Variants in KANSL2 observed in about 807,000 individuals in gnomAD.
KANSL2 encodes NSL complex protein NSL2.
KANSL2 carries 34 observed loss-of-function variants against 55.6 expected under a neutral mutation model. That is an observed-to-expected ratio of 0.61 (90% CI 0.46 to 0.81). KANSL2 has a LOEUF of 0.81. Ranked by LOEUF, KANSL2 falls within the 40% of genes least tolerant of loss-of-function variation. KANSL2 has a pLI of 0.00. For synonymous variants in KANSL2, 209 were observed against 214.3 expected, an observed-to-expected ratio of 0.98 and a Z score of 0.22; for missense variants, 502 against 609.9, an observed-to-expected ratio of 0.82 and a Z score of 1.86.
At chr12:48,670,918 T>C (rs528936465) in intron 5 of KANSL2, among the ~76,000 whole-genome samples, 3 of 151,900 alleles carry the variant, frequency 2.0e-5, no homozygotes, top group African/African-American at 7.3e-5. Context: ...GAGTGAGGAC[T>C]ACGCTACTGC....
At chr12:48,673,354 G>A (rs1483591553) in intron 4 of KANSL2, among the ~76,000 whole-genome samples, 2 of 152,024 alleles carry the variant, frequency 1.3e-5, no homozygotes, top group African/African-American at 4.8e-5. Context: ...GAGGTCAGGT[G>A]TTCAAGACCA....
At chr12:48,681,761 G>GT (rs1205732639) in intron 1 of KANSL2, 120 bp from the exon 2 acceptor site, 1 of 1,266,796 alleles carries the variant, frequency 7.9e-7, no homozygotes, top group Non-Finnish European at 1.1e-6. Flanking sequence ...GGTACGCTCC[G>GT]TAAGTCCCCG....
intron 5 of KANSL2, 110 bp downstream of exon 5, chr12:48,671,688 CA>C (rs1939717334): frequency 8.3e-7 from 1 of 1,201,448 alleles, no homozygotes; most frequent in African/African-American, 1.5e-5. Context: ...GTTTGAATGA[CA>C]AAAATCACCT....
intron 6 of KANSL2, among the ~76,000 whole-genome samples, chr12:48,668,664 A>C (rs1420301118): frequency 6.6e-6 from 1 of 152,116 alleles, no homozygotes; most frequent in Non-Finnish European, 1.5e-5. Context: ...GCGCCATTGC[A>C]CTCCAGCCTG....
At chr12:48,679,176 A>G (rs199955655) in intron 3 of KANSL2, 26 bp from the exon 4 acceptor site, 183 of 1,483,548 alleles carry the variant, frequency 1.2e-4, no homozygotes, top group Non-Finnish European at 1.7e-4. Flanking sequence ...GAGAGCAGCC[A>G]TTAAGACTTC....
chr12:48,680,834 C>T (rs1156485311), intron 2 of KANSL2, among the ~76,000 whole-genome samples: 11 of 151,764 alleles, frequency 7.2e-5, no homozygotes, highest in East Asian at 3.9e-4. Flanking sequence ...AAAAATTAGC[C>T]GGGCATAGTG....
Position 48,653,921 on chromosome 12 carries a change from T to C in KANSL2, c.*123A>G, listed in dbSNP as rs1939328429. ...AATTTGGCTTTACGTTTGACTATAA[T>C]ACTCAATCCAGAAGAAAAACAAGGT... On this transcript the variant is annotated 3_prime_UTR_variant, in exon 10 of 10. Transcript: ENST00000420613. The C allele has an allele frequency of 2.8e-6, 3 of 1,076,756 alleles. No individual in the cohort carries two copies. The highest frequency in any genetic ancestry group is 1.8e-5 in the South Asian group (1 of 55,124). 66.7% of individuals were successfully genotyped at this position (1,076,756 alleles called of 1,614,324 possible). A position where few individuals can be genotyped will look rare whatever the true frequency, so the allele number is the denominator to read the frequency against.
At position 48,653,678 on chromosome 12, in the gene KANSL2, A is replaced by G. The variant is rs111859868; in HGVS notation, c.*366T>C. ...GCAGGTCTTCAGATAGAGATAACCGATATTAGGGCCATCAGTATCTCAAAG... is the reference window on the plus strand; with the variant it reads ...GCAGGTCTTCAGATAGAGATAACCGGTATTAGGGCCATCAGTATCTCAAAG... On this transcript the variant is annotated 3_prime_UTR_variant, in exon 10 of 10. Transcript: ENST00000420613. 505 of 167,836 alleles carry G rather than the reference A, an allele frequency of 3.0e-3. 4 individuals carry two copies. The highest frequency in any genetic ancestry group is 0.012 in the African/African-American group (484 of 42,064). The allele number at this position is 167,836 out of a possible 1,614,324, so 10.4% of individuals were successfully genotyped here.
Position 48,679,652 on chromosome 12 carries a change from T to C in KANSL2, c.430+3A>G. ...TTTTCATTCCAGGAGAGAAGGTCCT[T>C]ACCTAGTATTCGGCTGGCTTCACTG... On this transcript the variant is annotated splice_donor_region_variant and intron_variant, in intron 3 of 9. Coordinates refer to ENST00000420613, the MANE Select transcript of KANSL2 (RefSeq NM_017822.4). 3 of 1,613,138 alleles carry C rather than the reference T, an allele frequency of 1.9e-6. No homozygotes were observed. Among genetic ancestry groups the C allele is most frequent in the Non-Finnish European group, 2.5e-6 (3 of 1,179,452 alleles).
intron 7 of KANSL2, among the ~76,000 whole-genome samples, chr12:48,662,841 T>C (rs1818283307): frequency 1.3e-5 from 2 of 152,214 alleles, no homozygotes; most frequent in Non-Finnish European, 2.9e-5. Context: ...TTAGTATCTG[T>C]AAACTGAGTT....
At chr12:48,672,147 G>A (rs890217532) in intron 4 of KANSL2, among the ~76,000 whole-genome samples, 185 bp from the exon 5 acceptor site, 4 of 151,908 alleles carry the variant, frequency 2.6e-5, no homozygotes, top group African/African-American at 9.7e-5. Context: ...AAATCTCCAA[G>A]AAAGAATACT....
At chr12:48,654,703 T>C (rs1939344020) in intron 9 of KANSL2, among the ~76,000 whole-genome samples, 1 of 152,228 alleles carries the variant, frequency 6.6e-6, no homozygotes, top group South Asian at 2.1e-4. Flanking sequence ...CACGGGCCAT[T>C]AGGTGTTCTA....
rs540300403 is a variant in KANSL2, at chr12:48,653,951, T to C, written c.*93A>G. 368 of 1,315,902 alleles carry C rather than the reference T, an allele frequency of 2.8e-4. 6 individuals carry two copies. In the South Asian group the frequency reaches 5.5e-3, roughly 20 times the overall value. The allele number at this position is 1,315,902 out of a possible 1,614,324, so 81.5% of individuals were successfully genotyped here. On this transcript the variant is annotated 3_prime_UTR_variant, in exon 10 of 10. Transcript: ENST00000420613. ...AATCCAGAAGAAAAACAAGGTAGTCTGGGTTGCCTGTGTTTTGTGAGAGAT... is the reference window on the plus strand; with the variant it reads ...AATCCAGAAGAAAAACAAGGTAGTCCGGGTTGCCTGTGTTTTGTGAGAGAT...
chr12:48,660,735 A>G (rs749617567), intron 7 of KANSL2, 116 bp from the exon 8 acceptor site: 1 of 1,029,522 alleles, frequency 9.7e-7, no homozygotes, highest in Non-Finnish European at 1.4e-6. Context: ...AATTACAACT[A>G]CATTTGATAC....
At chr12:48,678,117 T>C (rs949920710) in intron 4 of KANSL2, among the ~76,000 whole-genome samples, 9 of 152,202 alleles carry the variant, frequency 5.9e-5, no homozygotes, top group African/African-American at 1.4e-4. Context: ...GAAAATGCTA[T>C]TGCAAGAACA....
intron 4 of KANSL2, among the ~76,000 whole-genome samples, chr12:48,676,994 AC>A (rs1243077794): frequency 2.0e-5 from 3 of 152,226 alleles, no homozygotes; most frequent in African/African-American, 7.2e-5. Context: ...CAGTGGACAT[AC>A]TACTAAATTA....
chr12:48,663,957 G>A (rs1190713272), intron 7 of KANSL2, among the ~76,000 whole-genome samples: 17 of 122,270 alleles, frequency 1.4e-4, no homozygotes, highest in African/African-American at 5.3e-4. Context: ...TCACTCTGTC[G>A]CCCAGGCTGG....
chr12:48,660,448 T>C lies in KANSL2; in HGVS notation c.1145A>G (p.Asp382Gly). ...CAGATCCATGGGGCCGGCTTCCAGA[T>C]CGTCTGGCACAGACAGTACCTGCTC... is the stretch of plus-strand genomic sequence containing the variant. ...KPEQVLSVPD[D>G]LEAGPMDLYL... Residue 382 changes from aspartate (D) to glycine (G), a missense_variant, in exon 8 of 10, where the codon GAT becomes GGT. Transcript: ENST00000420613. 6.2e-7 allele frequency: 1 copy of C among 1,613,928 alleles called. No individual in the cohort carries two copies.
chr12:48,663,251 A>T (rs1404382276), intron 7 of KANSL2, among the ~76,000 whole-genome samples: 3 of 152,224 alleles, frequency 2.0e-5, no homozygotes, highest in Non-Finnish European at 4.4e-5. Flanking sequence ...ATGAGGAAAT[A>T]TGAATTACTG....
Sources: allele counts gnomAD v4.1 joint callset (sites outside exome capture counted in the v4.1 genomes callset), GRCh38; gene constraint gnomAD v4.1.1; transcripts MANE v1.5; gene names NCBI Gene and HGNC (gene_info 2026-07-23, HGNC 2026-07-21).